The following KCNK13 variants were observed in gnomAD, a reference collection of about 807,000 sequenced individuals.
KCNK13 encodes the protein potassium two pore domain channel subfamily K member 13, also known as potassium channel subfamily K member 13.
Under a neutral mutation model 23.4 loss-of-function variants are expected in KCNK13, and 12 were observed. The ratio of observed to expected loss-of-function variants is 0.51; its 90% CI spans 0.33 to 0.83. The LOEUF (loss-of-function observed/expected upper bound fraction) is 0.83. KCNK13 is among the 40% of genes least tolerant of loss of function. The pLI is 0.02. For synonymous variants in KCNK13, 231 were observed against 229.5 expected, an observed-to-expected ratio of 1.01 and a Z score of -0.06; for missense variants, 463 against 556.3, an observed-to-expected ratio of 0.83 and a Z score of 1.69.
At chr14:90,164,035 T>G (rs1453977473) in intron 1 of KCNK13, among the ~76,000 whole-genome samples, 1 of 152,196 alleles carries the variant, frequency 6.6e-6, no homozygotes, top group Non-Finnish European at 1.5e-5. Flanking sequence ...ACTCTGGCAT[T>G]TGGGGTAGCA....
chr14:90,156,134 G>A (rs1303027018), intron 1 of KCNK13, among the ~76,000 whole-genome samples: 1 of 151,120 alleles, frequency 6.6e-6, no homozygotes, highest in African/African-American at 2.4e-5. Context: ...GAGCCCGGTA[G>A]GTCGAGGCTG....
At chr14:90,126,613 G>A (rs1177704876) in intron 1 of KCNK13, among the ~76,000 whole-genome samples, 3 of 152,108 alleles carry the variant, frequency 2.0e-5, no homozygotes, top group Non-Finnish European at 2.9e-5. Flanking sequence ...GTGCAATCTC[G>A]GTTCACTGCA....
At chr14:90,165,402 C>G (rs1041262035) in intron 1 of KCNK13, among the ~76,000 whole-genome samples, 4 of 152,182 alleles carry the variant, frequency 2.6e-5, no homozygotes, top group African/African-American at 7.2e-5. Context: ...TACCTGTCCT[C>G]TGCAGCAAGA....
At chr14:90,071,515 C>T (rs1377917175) in intron 1 of KCNK13, among the ~76,000 whole-genome samples, 2 of 152,164 alleles carry the variant, frequency 1.3e-5, no homozygotes, top group Non-Finnish European at 2.9e-5. Flanking sequence ...TCTGTGCTCC[C>T]TGTTATCAGG....
chr14:90,128,721 G>A (rs893337165), intron 1 of KCNK13, among the ~76,000 whole-genome samples: 4 of 151,952 alleles, frequency 2.6e-5, no homozygotes, highest in South Asian at 2.1e-4. Context: ...ATCTCTCACC[G>A]AATACTTTTC....
At chr14:90,164,212 T>C (rs1469621306) in intron 1 of KCNK13, among the ~76,000 whole-genome samples, 1 of 152,256 alleles carries the variant, frequency 6.6e-6, no homozygotes, top group Non-Finnish European at 1.5e-5. Flanking sequence ...CCATCCCATG[T>C]GTGCCACAAA....
chr14:90,101,790 C>CAAAAAAAAAAAA lies in KCNK13; in HGVS notation c.334+39262_334+39273dup, dbSNP rs546423368. Among the ~76,000 whole-genome samples the CAAAAAAAAAAAA allele has an allele frequency of 4.8e-3, 269 of 55,548 alleles. 24 individuals are homozygous for CAAAAAAAAAAAA. The highest frequency in any genetic ancestry group is 0.042 in the East Asian group (92 of 2,200). 36.4% of individuals were successfully genotyped at this position (55,548 alleles called of 152,430 possible). ...GGGCAACAGAGTGAGACTCCGTCTC[C>CAAAAAAAAAAAA]AAAAAAAAAAAAAAAAAAAAAACCT... On this transcript the variant is annotated intron_variant, in intron 1 of 1. Coordinates refer to ENST00000282146, the MANE Select transcript of KCNK13 (RefSeq NM_022054.4).
intron 1 of KCNK13, among the ~76,000 whole-genome samples, chr14:90,175,291 A>G (rs888810230): frequency 3.9e-5 from 6 of 152,140 alleles, no homozygotes; most frequent in Non-Finnish European, 8.8e-5. Context: ...TTGGGAGTGG[A>G]CCAGCAGGCT....
intron 1 of KCNK13, among the ~76,000 whole-genome samples, chr14:90,088,436 C>T (rs866498643): frequency 3.3e-5 from 5 of 152,134 alleles, no homozygotes; most frequent in African/African-American, 9.7e-5. Flanking sequence ...GTGAAGTTCC[C>T]GAAGGCAGAA....
At chr14:90,109,451 C>T (rs2140411452) in intron 1 of KCNK13, among the ~76,000 whole-genome samples, 1 of 146,702 alleles carries the variant, frequency 6.8e-6, no homozygotes, top group African/African-American at 2.5e-5. Flanking sequence ...CTCTGACATC[C>T]AGGCTGGAGT....
intron 1 of KCNK13, among the ~76,000 whole-genome samples, chr14:90,133,674 C>G (rs1889901963): frequency 6.6e-6 from 1 of 151,726 alleles, no homozygotes. Flanking sequence ...GGATTTGAAC[C>G]AGGCAAGTTG....
At chr14:90,072,453 G>T (rs1398209905) in intron 1 of KCNK13, among the ~76,000 whole-genome samples, 1 of 152,206 alleles carries the variant, frequency 6.6e-6, no homozygotes, top group Non-Finnish European at 1.5e-5. Flanking sequence ...AAACAGCATT[G>T]TGCTGGCCAG....
intron 1 of KCNK13, among the ~76,000 whole-genome samples, chr14:90,157,171 A>G (rs1890203173): frequency 6.6e-6 from 1 of 152,198 alleles, no homozygotes; most frequent in Non-Finnish European, 1.5e-5. Context: ...TTTAAATATA[A>G]TCTGGTAAAT....
chr14:90,086,236 T>C (rs1185858402), intron 1 of KCNK13, among the ~76,000 whole-genome samples: 3 of 152,188 alleles, frequency 2.0e-5, no homozygotes, highest in South Asian at 4.1e-4. Flanking sequence ...TTATTCTCAC[T>C]GCTAACATAT....
intron 1 of KCNK13, among the ~76,000 whole-genome samples, chr14:90,161,894 C>G (rs1566649336): frequency 1.3e-5 from 2 of 152,128 alleles, no homozygotes; most frequent in African/African-American, 4.8e-5. Flanking sequence ...AAAAGGAGAA[C>G]AGGGCTGGAC....
intron 1 of KCNK13, among the ~76,000 whole-genome samples, chr14:90,180,046 C>T (rs1448136257): frequency 6.6e-6 from 1 of 152,106 alleles, no homozygotes; most frequent in Non-Finnish European, 1.5e-5. Flanking sequence ...TGGCTTGTAC[C>T]TTGACAGTGA....
In KCNK13 at chr14:90,129,346, G is replaced by A. The variant is rs76920000; in HGVS notation, c.335-54765G>A. 2.3e-4 allele frequency among the ~76,000 whole-genome samples: 35 copies of A among 152,302 alleles called. 1 individual carries two copies. Among genetic ancestry groups the A allele is most frequent in the African/African-American group, 6.3e-4 (26 of 41,570 alleles). ...TGGCAGATGTCTCCTAGAGGCACAT[G>A]TGTGAGCGTTCCCTGGTGCAATTGT... is the stretch of plus-strand genomic sequence containing the variant. On this transcript the variant is annotated intron_variant, in intron 1 of 1. Transcript: ENST00000282146.
At chr14:90,076,366 C>G (rs529656799) in intron 1 of KCNK13, among the ~76,000 whole-genome samples, 1 of 152,240 alleles carries the variant, frequency 6.6e-6, no homozygotes, top group Admixed American at 6.5e-5. Context: ...TAGATGGTGT[C>G]TCTGTCTCTC....
intron 1 of KCNK13, among the ~76,000 whole-genome samples, chr14:90,075,818 A>C (rs1009842099): frequency 6.6e-6 from 1 of 152,156 alleles, no homozygotes; most frequent in Non-Finnish European, 1.5e-5. Flanking sequence ...CTTTCTCTCT[A>C]GTTTCATTCT....
Sources: allele counts gnomAD v4.1 joint callset (sites outside exome capture counted in the v4.1 genomes callset), GRCh38; gene constraint gnomAD v4.1.1; transcripts MANE v1.5; gene names NCBI Gene and HGNC (gene_info 2026-07-23, HGNC 2026-07-21).